POFUT3: variants seen among roughly 807,000 people sequenced by gnomAD.
POFUT3 encodes the protein GDP-fucose protein O-fucosyltransferase 3.
At chr8:33,321,306 C>T in the POFUT3 span, among the ~76,000 whole-genome samples, 1 of 152,118 alleles carries the variant, frequency 6.6e-6, no homozygotes, top group East Asian at 1.9e-4. Context: ...AGAGAAGATA[C>T]AGCTGAAGGG....
the POFUT3 span, chr8:33,338,718 C>T: frequency 2.0e-5 from 3 of 152,130 alleles, no homozygotes. Flanking sequence ...GAAGAGTTCC[C>T]TCCTCGGGTG....
chr8:33,408,492 G>A, the POFUT3 span, among the ~76,000 whole-genome samples: 1 of 151,816 alleles, frequency 6.6e-6, no homozygotes, highest in Non-Finnish European at 1.5e-5. Flanking sequence ...TCATTTCCTG[G>A]GCACACTCCT....
the POFUT3 span, among the ~76,000 whole-genome samples, chr8:33,322,936 A>T: frequency 0.43 from 65,189 of 151,606 alleles, 15,777 homozygotes; most frequent in East Asian, 0.8. Context: ...TTTCCCAATA[A>T]GTGGAGCTTT....
At chr8:33,335,437 T>C in the POFUT3 span, among the ~76,000 whole-genome samples, 3 of 152,218 alleles carry the variant, frequency 2.0e-5, no homozygotes, top group Non-Finnish European at 4.4e-5. Context: ...AATGTAATTC[T>C]GACATGAATG....
At chr8:33,362,354 G>A in the POFUT3 span, among the ~76,000 whole-genome samples, 2 of 152,256 alleles carry the variant, frequency 1.3e-5, no homozygotes, top group South Asian at 2.1e-4. Flanking sequence ...TGAAGAAACT[G>A]TATCAATTAA....
the POFUT3 span, among the ~76,000 whole-genome samples, chr8:33,356,275 TAC>T: frequency 6.6e-6 from 1 of 152,208 alleles, no homozygotes; most frequent in Non-Finnish European, 1.5e-5. Context: ...TGAACTAGTT[TAC>T]AGTCCCACCA....
chr8:33,340,942 C>G, the POFUT3 span, among the ~76,000 whole-genome samples: 6 of 152,160 alleles, frequency 3.9e-5, no homozygotes, highest in Non-Finnish European at 7.4e-5. Flanking sequence ...CCAACAGAAT[C>G]TAATCAATAT....
At chr8:33,404,073 C>T in the POFUT3 span, among the ~76,000 whole-genome samples, 1 of 152,098 alleles carries the variant, frequency 6.6e-6, no homozygotes, top group African/African-American at 2.4e-5. Context: ...CGCGGTAGCT[C>T]ACACCTGTAA....
At chr8:33,433,593 T>A in the POFUT3 span, among the ~76,000 whole-genome samples, 1 of 130,958 alleles carries the variant, frequency 7.6e-6, no homozygotes, top group Non-Finnish European at 1.6e-5. Context: ...GCCTGGGCGA[T>A]AGAGTGAGAC....
At chr8:33,404,897 AAC>A in the POFUT3 span, among the ~76,000 whole-genome samples, 15 of 150,232 alleles carry the variant, frequency 1.0e-4, no homozygotes, top group Non-Finnish European at 2.2e-4. Flanking sequence ...TCACAACAAC[AAC>A]AAAAAAAGAA....
chr8:33,399,625 G>T, the POFUT3 span, among the ~76,000 whole-genome samples: 1 of 151,644 alleles, frequency 6.6e-6, no homozygotes, highest in East Asian at 1.9e-4. Context: ...CCAAGAGTCA[G>T]AAAAAACTAT....
chr8:33,398,415 G>A, the POFUT3 span, among the ~76,000 whole-genome samples: 3 of 152,118 alleles, frequency 2.0e-5, no homozygotes, highest in African/African-American at 4.8e-5. Flanking sequence ...ACACTGAATC[G>A]TTTGTGTATT....
At chr8:33,439,726 G>T in the POFUT3 span, among the ~76,000 whole-genome samples, 1 of 151,946 alleles carries the variant, frequency 6.6e-6, no homozygotes. Context: ...AATTAGTCAG[G>T]TACAGTGGCA....
the POFUT3 span, among the ~76,000 whole-genome samples, chr8:33,324,740 C>G: frequency 1.5e-3 from 221 of 151,918 alleles, 3 homozygotes; most frequent in East Asian, 0.033. Context: ...TCTTCTCCCA[C>G]AAACCCTCCC....
chr8:33,351,212 C>T, the POFUT3 span, among the ~76,000 whole-genome samples: 1 of 152,182 alleles, frequency 6.6e-6, no homozygotes, highest in Non-Finnish European at 1.5e-5. Context: ...ACCTCATCCT[C>T]CCAAAAGTGC....
At chr8:33,403,939 C>A in the POFUT3 span, among the ~76,000 whole-genome samples, 3 of 152,100 alleles carry the variant, frequency 2.0e-5, no homozygotes, top group Non-Finnish European at 4.4e-5. Context: ...TGCTTCCTGT[C>A]TCAACTTATC....
the POFUT3 span, chr8:33,461,405 G>A: frequency 1.2e-6 from 2 of 1,613,154 alleles, no homozygotes; most frequent in East Asian, 4.5e-5. Flanking sequence ...CGGTGGCTGT[G>A]ACGCACAGGC....
At chr8:33,381,153 A>G in the POFUT3 span, among the ~76,000 whole-genome samples, 2 of 152,164 alleles carry the variant, frequency 1.3e-5, no homozygotes, top group Non-Finnish European at 2.9e-5. Flanking sequence ...TCAAATTTAT[A>G]TATGTGTATA....
chr8:33,421,944 GA>G, the POFUT3 span, among the ~76,000 whole-genome samples: 1 of 149,470 alleles, frequency 6.7e-6, no homozygotes. Flanking sequence ...CTCCTAAAAG[GA>G]AAAAAGAACA....
Sources: gnomAD v4.1 joint callset for allele counts (sites outside exome capture counted in the v4.1 genomes callset) on GRCh38, gnomAD v4.1.1 for gene constraint, MANE v1.5 for transcripts, NCBI Gene and HGNC (gene_info 2026-07-23, HGNC 2026-07-21) for gene names.